Variants in RYR1 observed in about 807,000 individuals in gnomAD.
RYR1 encodes the protein ryanodine receptor 1.
A neutral mutation model predicts 583.5 loss-of-function variants in RYR1; 342 were observed. The ratio of observed to expected loss-of-function variants is 0.59; its 90% CI spans 0.54 to 0.64. The LOEUF is 0.64. RYR1 is among the 30% of genes least tolerant of loss of function. The pLI, the probability that RYR1 is intolerant of heterozygous loss-of-function variation, is 0.00. For missense variants in RYR1, 6,032 were observed against 6,917.2 expected (o/e 0.87, Z 4.54); for synonymous variants, 2,791 against 2,822.5 (o/e 0.99, Z 0.35).
In RYR1 at chr19:38,519,274, C is replaced by A; in HGVS notation, c.10079C>A (p.Pro3360Gln). ...RPELLQSHFIPTIGRLRKRAG... is the reference protein window; with the variant it reads ...RPELLQSHFIQTIGRLRKRAG... Reference sequence around the variant, plus strand: ...GAGCTCCTGCAGTCCCACTTCATCCCAACTATCGGGCGGCTGCGCAAGAGG... The same window carrying A: ...GAGCTCCTGCAGTCCCACTTCATCCAAACTATCGGGCGGCTGCGCAAGAGG... The change falls in exon 67 of 106, where the codon CCA becomes CAA. Residue 3360 changes from proline (P) to glutamine (Q), a missense_variant. This residue lies in a region of RYR1 where 1,493 missense variants were observed against 1,715.5 expected (regional missense o/e 0.87). Transcript: ENST00000359596. 1 of 1,614,136 alleles carries A rather than the reference C, an allele frequency of 6.2e-7. No homozygotes were observed. The highest frequency in any genetic ancestry group is 8.5e-7 in the Non-Finnish European group (1 of 1,180,024).
Position 38,523,311 on chromosome 19 carries a change from TC to T in RYR1, c.10440+3del. On this transcript the variant is annotated splice_donor_region_variant and intron_variant, in intron 69 of 105. Coordinates refer to ENST00000359596, the MANE Select transcript of RYR1 (RefSeq NM_000540.3). ...GACAACAAAAGCAAAATGGCTAAGG[TC>T]GGGGCTTGGTTCTGGGAGGAGCACT... 1 of 1,613,934 alleles carries T rather than the reference TC, an allele frequency of 6.2e-7. No homozygotes were observed. The highest frequency in any genetic ancestry group is 8.5e-7 in the Non-Finnish European group (1 of 1,179,966).
intron 24 of RYR1, 101 bp downstream of exon 24, chr19:38,466,499 A>ATAT: frequency 5.7e-6 from 5 of 875,016 alleles, no homozygotes; most frequent in Non-Finnish European, 8.5e-6. Context: ...AATGGGCTAT[A>ATAT]TCTTTTTTTT....
At position 38,456,823 on chromosome 19, in the gene RYR1, G is replaced by A. The variant is rs181661875; in HGVS notation, c.1792-674G>A. 7.9e-3 allele frequency among the ~76,000 whole-genome samples: 1,187 copies of A among 151,122 alleles called. 13 individuals carry two copies. Among genetic ancestry groups the A allele is most frequent in the Middle Eastern group, 0.017 (5 of 292 alleles). ...GCACTTTGGGAGGCCAAGGCGGGCG[G>A]ATCACGAGGTCAGGAGATCGAGACC... On this transcript the variant is annotated intron_variant, in intron 16 of 105. Transcript: ENST00000359596.
In RYR1 at chr19:38,496,355, A is replaced by G. The variant is rs773999805; in HGVS notation, c.6663+26A>G. On this transcript the variant is annotated intron_variant, in intron 40 of 105. Coordinates refer to ENST00000359596, the MANE Select transcript of RYR1 (RefSeq NM_000540.3). This position sits in a 1 kb window ranked among gnomAD's most constrained non-coding sequence, Gnocchi z 4.8. ...GTGAGGGCCCAGGCAGGTGCTGGGG[A>G]GCTCAGGGGAGGCAGCCACAGAGGG... The G allele has an allele frequency of 6.2e-7, 1 of 1,613,618 alleles. No homozygotes were observed. The highest frequency in any genetic ancestry group is 1.1e-5 in the South Asian group (1 of 91,086).
intron 95 of RYR1, 148 bp downstream of exon 95, chr19:38,572,418 A>G: frequency 1.0e-6 from 1 of 994,910 alleles, no homozygotes; most frequent in Non-Finnish European, 1.5e-6. Flanking sequence ...GGAACTGGGT[A>G]CAGGATTGGG....
intron 101 of RYR1, among the ~76,000 whole-genome samples, chr19:38,582,168 G>A (rs542956570): frequency 8.6e-5 from 13 of 151,796 alleles, no homozygotes; most frequent in Non-Finnish European, 2.9e-5. Flanking sequence ...GGGGCTGAGG[G>A]GGGCAGATTA....
At chr19:38,448,608 C>T (rs747414308) in intron 10 of RYR1, 41 bp from the exon 11 acceptor site, 16 of 1,614,066 alleles carry the variant, frequency 9.9e-6, no homozygotes, top group Non-Finnish European at 1.3e-5. Context: ...CTGCTAAACA[C>T]ACAGGCAGAG....
chr19:38,448,838 G>C, intron 11 of RYR1, 25 bp downstream of exon 11: 1 of 1,609,690 alleles, frequency 6.2e-7, no homozygotes, highest in Non-Finnish European at 8.5e-7. Context: ...AGCTACTCAG[G>C]AGGCTGAGGT....
chr19:38,504,097 C>T (rs1970327225), intron 49 of RYR1, 123 bp from the exon 50 acceptor site: 3 of 1,079,076 alleles, frequency 2.8e-6, no homozygotes, highest in Admixed American at 2.1e-5. Context: ...ATATCATTTG[C>T]ATAACCCACA....
At position 38,506,316 on chromosome 19, in the gene RYR1, G is replaced by A. The variant is rs1465684137; in HGVS notation, c.8555G>A (p.Arg2852Gln). Residue 2852 changes from arginine to glutamine, a missense_variant, in exon 55 of 106, where the codon CGA becomes CAA. Coordinates refer to ENST00000359596, the MANE Select transcript of RYR1 (RefSeq NM_000540.3). ...TTGTCCTCTCAGACCTATGATCCTCGAGAAGGCTACAACCCTCAGCCCCCC... is the reference window on the plus strand; with the variant it reads ...TTGTCCTCTCAGACCTATGATCCTCAAGAAGGCTACAACCCTCAGCCCCCC... ...ISQSAQTYDP[R>Q]EGYNPQPPDL... The A allele has an allele frequency of 6.2e-6, 10 of 1,613,526 alleles. No individual in the cohort carries two copies. The East Asian group carries it at 6.7e-5, about 11-fold the overall frequency.
At chr19:38,581,093 C>CA (rs1974184268) in intron 101 of RYR1, among the ~76,000 whole-genome samples, 1 of 146,232 alleles carries the variant, frequency 6.8e-6, no homozygotes, top group African/African-American at 2.5e-5. Context: ...TTCTTTCTTT[C>CA]TTTTTTTTTT....
intron 31 of RYR1, 79 bp from the exon 32 acceptor site, chr19:38,482,948 G>A: frequency 8.1e-7 from 1 of 1,239,268 alleles, no homozygotes; most frequent in South Asian, 1.2e-5. Flanking sequence ...CTACAAATTG[G>A]CCCCAGAGTT....
At chr19:38,495,465 T>C (rs537278806) in intron 39 of RYR1, among the ~76,000 whole-genome samples, 2 of 151,778 alleles carry the variant, frequency 1.3e-5, no homozygotes, top group Admixed American at 1.3e-4. Context: ...CCTGCCTCAG[T>C]CTCCTGAGTA....
At position 38,512,528 on chromosome 19, in the gene RYR1, G is replaced by A; in HGVS notation, c.9472+45G>A. ...GGGCAGGTTGCGGGGAGTCAGTGTG[G>A]CCAACACCACCCATCCGGGTGCCTG... On this transcript the variant is annotated intron_variant, in intron 63 of 105. Coordinates refer to ENST00000359596, the MANE Select transcript of RYR1 (RefSeq NM_000540.3). This position sits in a 1 kb window ranked among gnomAD's most constrained non-coding sequence, Gnocchi z 5.1. 6.4e-7 allele frequency: 1 copy of A among 1,559,708 alleles called. No individual in the cohort carries two copies.
chr19:38,547,035 CTTT>C (rs34666293), intron 88 of RYR1, among the ~76,000 whole-genome samples: 3 of 138,908 alleles, frequency 2.2e-5, no homozygotes, highest in Non-Finnish European at 4.7e-5. Context: ...ATTAGGATCC[CTTT>C]TTTTTTTTTT....
chr19:38,506,209 G>C (rs1395722535), intron 54 of RYR1, 94 bp from the exon 55 acceptor site: 2 of 1,327,710 alleles, frequency 1.5e-6, no homozygotes, highest in Admixed American at 1.8e-5. Flanking sequence ...GAGGGTGGAG[G>C]GGGTAGAATG....
intron 18 of RYR1, among the ~76,000 whole-genome samples, chr19:38,458,591 G>A (rs550230836): frequency 7.0e-6 from 1 of 141,946 alleles, no homozygotes; most frequent in East Asian, 2.1e-4. Flanking sequence ...AACCCCAGGA[G>A]AATTTATTTA....
At chr19:38,445,197 T>C in intron 7 of RYR1, among the ~76,000 whole-genome samples, 1 of 109,128 alleles carries the variant, frequency 9.2e-6, no homozygotes, top group Admixed American at 1.5e-4. Flanking sequence ...CAGAGGAGCC[T>C]GGGTGACAGA....
intron 99 of RYR1, 125 bp from the exon 100 acceptor site, chr19:38,579,857 A>C: frequency 8.3e-7 from 1 of 1,207,506 alleles, no homozygotes; most frequent in South Asian, 1.2e-5. Flanking sequence ...TCCTCCATGT[A>C]CTCCCCAAAC....
Sources: allele counts gnomAD v4.1 joint callset (sites outside exome capture counted in the v4.1 genomes callset), GRCh38; gene constraint gnomAD v4.1.1; regional missense constraint gnomAD v4.1.1; non-coding constraint Gnocchi (gnomAD v3.1); transcripts MANE v1.5; gene names NCBI Gene and HGNC (gene_info 2026-07-23, HGNC 2026-07-21).